AGK: variants seen among roughly 807,000 people sequenced by gnomAD.
AGK encodes acylglycerol kinase.
Under a neutral mutation model 66.4 loss-of-function variants are expected in AGK, and 52 were observed. The observed-to-expected ratio is 0.78, with a 90% CI of 0.63 to 0.99. AGK has a LOEUF of 0.99. Ranked by LOEUF, AGK falls within the 50% of genes least tolerant of loss-of-function variation. AGK has a pLI of 0.00. For missense variants in AGK, 451 were observed against 506.6 expected (o/e 0.89, Z 1.05); for synonymous variants, 182 against 181.1 (o/e 1.00, Z -0.04).
intron 15 of AGK, 185 bp from the exon 16 acceptor site, chr7:141,652,602 C>A: frequency 2.1e-6 from 1 of 473,662 alleles, no homozygotes; most frequent in Non-Finnish European, 3.7e-6. Flanking sequence ...TAGGATGTTT[C>A]CAGAACCAGC....
rs548829121 is a variant in AGK, at chr7:141,611,247, A to G, written c.350A>G (p.Asp117Gly). ...KKLLELMENT[D>G]VIIVAGGDGT... Reference sequence around the variant, plus strand: ...CTCCTGGAACTGATGGAAAACACGGATGTGATCATTGTTGCAGGAGGAGAT... The same window carrying G: ...CTCCTGGAACTGATGGAAAACACGGGTGTGATCATTGTTGCAGGAGGAGAT... Residue 117 changes from aspartate (D) to glycine (G), a missense_variant, in exon 6 of 16, where the codon GAT becomes GGT. Coordinates refer to ENST00000649286, the MANE Select transcript of AGK (RefSeq NM_018238.4). The G allele has an allele frequency of 2.2e-5, 35 of 1,613,610 alleles. No individual in the cohort carries two copies. The South Asian group carries it at 3.1e-4, about 14-fold the overall frequency.
intron 5 of AGK, among the ~76,000 whole-genome samples, chr7:141,608,895 T>C (rs957574543): frequency 2.6e-5 from 4 of 152,198 alleles, no homozygotes; most frequent in African/African-American, 4.8e-5. Flanking sequence ...GAGGACAGTA[T>C]GAAATCACTT....
At chr7:141,649,123 GGTT>G in intron 13 of AGK, 137 bp from the exon 14 acceptor site, 2 of 419,842 alleles carry the variant, frequency 4.8e-6, no homozygotes, top group Non-Finnish European at 8.5e-6. Context: ...ATTGAAAATA[GGTT>G]TGGAATTAAA....
chr7:141,600,906 A>T (rs1796326116), intron 4 of AGK, among the ~76,000 whole-genome samples: 1 of 152,192 alleles, frequency 6.6e-6, no homozygotes. Flanking sequence ...GAATGGAACC[A>T]TATCTAGTGT....
intron 2 of AGK, among the ~76,000 whole-genome samples, chr7:141,581,092 G>A (rs931222414): frequency 1.3e-5 from 2 of 151,932 alleles, no homozygotes; most frequent in East Asian, 1.9e-4. Flanking sequence ...GGACACGATC[G>A]GCAGGGAGAG....
At chr7:141,585,196 T>C (rs567482916) in intron 2 of AGK, among the ~76,000 whole-genome samples, 3 of 152,320 alleles carry the variant, frequency 2.0e-5, no homozygotes, top group African/African-American at 7.2e-5. Context: ...CATTCTTCCT[T>C]AGCAAGATGC....
chr7:141,654,251 G>GT lies in AGK; in HGVS notation c.*1334dup, dbSNP rs886062030. On this transcript the variant is annotated 3_prime_UTR_variant, in exon 16 of 16. Transcript: ENST00000649286. ...GGTATTAATTCTTGGATGATTAAAA[G>GT]TTTTTTTATTAGAATGTTCTTTATC... 1.3e-5 allele frequency: 2 copies of GT among 152,070 alleles called. No individual in the cohort carries two copies. Among genetic ancestry groups the GT allele is most frequent in the Non-Finnish European group, 2.9e-5 (2 of 67,986 alleles). 9.4% of individuals were successfully genotyped at this position (152,070 alleles called of 1,614,324 possible). A position where few individuals can be genotyped will look rare whatever the true frequency, so the allele number is the denominator to read the frequency against.
At chr7:141,603,794 T>G (rs770915965) in intron 5 of AGK, among the ~76,000 whole-genome samples, 4 of 152,204 alleles carry the variant, frequency 2.6e-5, no homozygotes, top group African/African-American at 7.2e-5. Flanking sequence ...TCATGTTGTC[T>G]CCACTATGTA....
At chr7:141,579,037 C>G (rs1795820052) in intron 2 of AGK, among the ~76,000 whole-genome samples, 1 of 152,004 alleles carries the variant, frequency 6.6e-6, no homozygotes, top group South Asian at 2.1e-4. Context: ...AGGAGTATGA[C>G]TAGACAGAAG....
intron 4 of AGK, 47 bp from the exon 5 acceptor site, chr7:141,601,158 C>T: frequency 7.0e-7 from 1 of 1,421,830 alleles, no homozygotes; most frequent in African/African-American, 1.4e-5. Flanking sequence ...TGTTCTTGCT[C>T]TTGATAACCT....
intron 5 of AGK, 128 bp downstream of exon 5, chr7:141,601,408 C>A: frequency 1.6e-6 from 1 of 637,412 alleles, no homozygotes. Flanking sequence ...CCTGTTCTGA[C>A]AATTAATAAA....
chr7:141,652,374 T>C (rs1158525599), intron 15 of AGK: 1 of 157,884 alleles, frequency 6.3e-6, no homozygotes, highest in Non-Finnish European at 1.4e-5. Flanking sequence ...GCAGATACAA[T>C]AGCATGTCAT....
chr7:141,622,085 C>T (rs1271688351), intron 9 of AGK, among the ~76,000 whole-genome samples: 5 of 150,632 alleles, frequency 3.3e-5, no homozygotes, highest in Admixed American at 3.3e-4. Flanking sequence ...GTTAAGTACA[C>T]TTAGCTACTT....
chr7:141,615,759 A>T (rs1046716855), intron 8 of AGK, 194 bp downstream of exon 8: 2 of 578,318 alleles, frequency 3.5e-6, no homozygotes, highest in African/African-American at 3.8e-5. Flanking sequence ...TCTTATAATA[A>T]GTCTCCAGGT....
chr7:141,577,715 C>T (rs558472841), intron 2 of AGK, among the ~76,000 whole-genome samples: 1 of 152,060 alleles, frequency 6.6e-6, no homozygotes, highest in Non-Finnish European at 1.5e-5. Flanking sequence ...TGCACTCCAC[C>T]CAGTGCACAG....
chr7:141,604,901 A>AATCTGGG (rs1003736663), intron 5 of AGK, among the ~76,000 whole-genome samples: 8 of 152,200 alleles, frequency 5.3e-5, no homozygotes, highest in African/African-American at 1.9e-4. Flanking sequence ...TTCTGCATCC[A>AATCTGGG]ATCTGGGATC....
Position 141,654,654 on chromosome 7 carries a change from T to C in AGK, c.*1730T>C, listed in dbSNP as rs1797648046. ...CAGTGGCCCTGAGGTTCTTACACTC[T>C]AGGGGGCAGTGCACCACAGGAAGAT... On this transcript the variant is annotated 3_prime_UTR_variant, in exon 16 of 16. Transcript: ENST00000649286. The C allele has an allele frequency of 6.6e-6, 1 of 152,208 alleles. No homozygotes were observed. 9.4% of individuals were successfully genotyped at this position (152,208 alleles called of 1,614,324 possible).
At chr7:141,625,910 C>T (rs751653933) in intron 9 of AGK, among the ~76,000 whole-genome samples, 3 of 152,116 alleles carry the variant, frequency 2.0e-5, no homozygotes, top group Non-Finnish European at 4.4e-5. Flanking sequence ...TACTTTCCTG[C>T]ATGCTAGGTG....
intron 14 of AGK, 42 bp from the exon 15 acceptor site, chr7:141,651,483 T>TG: frequency 6.4e-7 from 1 of 1,572,146 alleles, no homozygotes; most frequent in Non-Finnish European, 8.8e-7. Context: ...CTAGTGCAGT[T>TG]GCCATCACTG....
Sources: allele counts gnomAD v4.1 joint callset (sites outside exome capture counted in the v4.1 genomes callset), GRCh38; gene constraint gnomAD v4.1.1; transcripts MANE v1.5; gene names NCBI Gene and HGNC (gene_info 2026-07-23, HGNC 2026-07-21).